The following NFE2L1 variants were observed in gnomAD, a reference collection of about 807,000 sequenced individuals.
The protein encoded by NFE2L1 is NFE2 like bZIP transcription factor 1.
Under a neutral mutation model 61.6 loss-of-function variants are expected in NFE2L1, and 18 were observed. That is an observed-to-expected ratio of 0.29 (90% CI 0.20 to 0.43). The LOEUF (loss-of-function observed/expected upper bound fraction) is 0.43, where lower values mean the gene tolerates loss of function less well. Among genes scored for constraint, NFE2L1 ranks in the 20% least tolerant of loss-of-function variants. NFE2L1 has a pLI of 1.00. For synonymous variants in NFE2L1, 419 were observed against 402.7 expected (o/e 1.04, Z -0.48); for missense variants, 827 against 973.5 (o/e 0.85, Z 2.00).
intron 1 of NFE2L1, among the ~76,000 whole-genome samples, chr17:48,049,360 C>G (rs1386630731): frequency 2.0e-5 from 3 of 152,092 alleles, no homozygotes. Context: ...CCCCACCATC[C>G]CTCTCCTTTT....
rs778055772 is a variant in NFE2L1, at chr17:48,051,602, C to T, written c.484C>T (p.Pro162Ser). The T allele has an allele frequency of 1.9e-6, 3 of 1,613,822 alleles. No homozygotes were observed. The highest frequency in any genetic ancestry group is 1.7e-6 in the Non-Finnish European group (2 of 1,179,832). ...DLEDLGAVAP[P>S]VSGDLTKEDI... ...GGAGGATTTGGGGGCTGTAGCCCCC[C>T]CAGTCAGTGGAGACTTAACCAAAGA... Residue 162 changes from proline to serine, a missense_variant, in exon 2 of 6, where the codon CCA becomes TCA. By Grantham distance (74) the Pro-to-Ser change is moderately conservative. This residue lies in a region of NFE2L1 where 667 missense variants were observed against 748.4 expected (regional missense o/e 0.89). Transcript: ENST00000362042.
At position 48,059,239 on chromosome 17, in the gene NFE2L1, T is replaced by G; in HGVS notation, c.1917T>G (p.Asn639Lys). The change falls in exon 6 of 6, where the codon AAT becomes AAG. Residue 639 changes from asparagine to lysine, a missense_variant. Around this residue, in one of 3 missense-constraint regions of NFE2L1, gnomAD observed 74 missense variants for 127.8 expected, o/e 0.58. Coordinates refer to ENST00000362042, the MANE Select transcript of NFE2L1 (RefSeq NM_003204.3). This position sits in a 1 kb window ranked among gnomAD's most constrained non-coding sequence, Gnocchi z 6.1. ...TCAACCTGCCTGTGGAGGAGTTCAATGAACTGCTGTCCAAATACCAGTTGA... is the reference window on the plus strand; with the variant it reads ...TCAACCTGCCTGTGGAGGAGTTCAAGGAACTGCTGTCCAAATACCAGTTGA... The part of the protein sequence containing the change: ...KIINLPVEEF[N>K]ELLSKYQLSE... 1.2e-6 allele frequency: 2 copies of G among 1,614,140 alleles called. No homozygotes were observed. Among genetic ancestry groups the G allele is most frequent in the Non-Finnish European group, 1.7e-6 (2 of 1,180,034 alleles).
rs2037538361 is a variant in NFE2L1, at chr17:48,061,057, C to T, written c.*1416C>T. Reference sequence around the variant, plus strand: ...AGTGCATATGACAGGCTGAGAGCACCTCCCCAAACACACAAGCTCTCAGCC... The same window carrying T: ...AGTGCATATGACAGGCTGAGAGCACTTCCCCAAACACACAAGCTCTCAGCC... On this transcript the variant is annotated 3_prime_UTR_variant, in exon 6 of 6. Transcript: ENST00000362042. 1 of 152,614 alleles carries T rather than the reference C, an allele frequency of 6.6e-6. No individual in the cohort carries two copies. Among genetic ancestry groups the T allele is most frequent in the Admixed American group, 6.5e-5 (1 of 15,280 alleles). 9.5% of individuals were successfully genotyped at this position (152,614 alleles called of 1,614,324 possible). A position where few individuals can be genotyped will look rare whatever the true frequency, so the allele number is the denominator to read the frequency against.
Position 48,051,537 on chromosome 17 carries a change from T to C in NFE2L1, c.419T>C (p.Val140Ala), listed in dbSNP as rs747186258. ...GATGTGACAGGCCCAGACAACGGGG[T>C]GCGAGAAAGCGAAACGGAGCAGGGA... is the stretch of plus-strand genomic sequence containing the variant. Reference protein sequence around the residue: ...LQDVTGPDNGVRESETEQGFG... With the variant: ...LQDVTGPDNGARESETEQGFG... The change falls in exon 2 of 6, where the codon GTG (valine) becomes GCG (alanine). Residue 140 changes from valine to alanine, a missense_variant. By Grantham distance (64) the Val-to-Ala change is moderately conservative. Transcript: ENST00000362042. The C allele has an allele frequency of 3.7e-6, 6 of 1,613,642 alleles. No homozygotes were observed. The East Asian group carries it at 1.3e-4, about 36-fold the overall frequency.
intron 2 of NFE2L1, chr17:48,054,791 C>T (rs1484832286): frequency 1.5e-6 from 2 of 1,312,022 alleles, no homozygotes; most frequent in Admixed American, 3.9e-5. Context: ...AGCTGGGCGC[C>T]TGAGTGGAAC....
intron 3 of NFE2L1, among the ~76,000 whole-genome samples, 200 bp from the exon 4 acceptor site, chr17:48,056,832 G>A (rs1286760647): frequency 6.6e-6 from 1 of 152,152 alleles, no homozygotes; most frequent in Non-Finnish European, 1.5e-5. Context: ...TGCAAGGGAG[G>A]CAGAGCATGT....
rs2037505342 is a variant in NFE2L1, at chr17:48,059,890, G to A, written c.*249G>A. 1 of 494,680 alleles carries A rather than the reference G, an allele frequency of 2.0e-6. No individual in the cohort carries two copies. The highest frequency in any genetic ancestry group is 3.5e-6 in the Non-Finnish European group (1 of 288,228). The allele number at this position is 494,680 out of a possible 1,614,324, so 30.6% of individuals were successfully genotyped here. A position where few individuals can be genotyped will look rare whatever the true frequency, so the allele number is the denominator to read the frequency against. ...TCCTCACCCTACCCCTTTCCTGTGA[G>A]GCAGGGGTGGTGGTGGAGTTGCTGG... On this transcript the variant is annotated 3_prime_UTR_variant, in exon 6 of 6. Transcript: ENST00000362042. The surrounding 1 kb of genome is among the most constrained non-coding windows in gnomAD (Gnocchi z 6.1).
At chr17:48,056,100 T>G (rs575118868) in intron 2 of NFE2L1, 1 of 378,802 alleles carries the variant, frequency 2.6e-6, no homozygotes, top group Non-Finnish European at 4.8e-6. Flanking sequence ...GCCTTTTGTC[T>G]GGGTGTGTCT....
At position 48,051,566 on chromosome 17, in the gene NFE2L1, G is replaced by A. The variant is rs150656110; in HGVS notation, c.448G>A (p.Gly150Ser). Residue 150 changes from glycine to serine, a missense_variant, in exon 2 of 6, where the codon GGT becomes AGT. Physicochemically the swap from Gly to Ser is moderately conservative, Grantham distance 56. Around this residue, in one of 3 missense-constraint regions of NFE2L1, gnomAD observed 667 missense variants for 748.4 expected, o/e 0.89. Transcript: ENST00000362042. ...AGAAAGCGAAACGGAGCAGGGATTCGGTGAAGATTTGGAGGATTTGGGGGC... is the reference window on the plus strand; with the variant it reads ...AGAAAGCGAAACGGAGCAGGGATTCAGTGAAGATTTGGAGGATTTGGGGGC... ...VRESETEQGFGEDLEDLGAVA... is the reference protein window; with the variant it reads ...VRESETEQGFSEDLEDLGAVA... 5.0e-6 allele frequency: 8 copies of A among 1,614,098 alleles called. No individual in the cohort carries two copies. Among genetic ancestry groups the A allele is most frequent in the Admixed American group, 1.7e-5 (1 of 60,012 alleles).
At chr17:48,056,906 TC>T in intron 3 of NFE2L1, 125 bp from the exon 4 acceptor site, 1 of 947,798 alleles carries the variant, frequency 1.1e-6, no homozygotes, top group South Asian at 1.6e-5. Flanking sequence ...AGTTTGGGAC[TC>T]GGGGCCAGCC....
At chr17:48,057,177 G>A in intron 4 of NFE2L1, 56 bp downstream of exon 4, 1 of 1,602,780 alleles carries the variant, frequency 6.2e-7, no homozygotes, top group Non-Finnish European at 8.5e-7. Context: ...TGTACCTGGT[G>A]TGTCCCTCCA....
chr17:48,054,560 A>T, intron 2 of NFE2L1: 2 of 995,000 alleles, frequency 2.0e-6, no homozygotes, highest in Non-Finnish European at 2.4e-6. Flanking sequence ...GACCTGGGGG[A>T]GGGGATTGGC....
intron 2 of NFE2L1, among the ~76,000 whole-genome samples, chr17:48,053,720 C>G (rs556619037): frequency 1.3e-5 from 2 of 152,164 alleles, no homozygotes; most frequent in Non-Finnish European, 2.9e-5. Flanking sequence ...AATTTCCCCT[C>G]GAGAAACCAA....
At position 48,058,481 on chromosome 17, in the gene NFE2L1, G is replaced by A. The variant is rs765657555; in HGVS notation, c.1159G>A (p.Val387Met). ...CAGCCCCGAGGTGGAAAGCCTGCCT[G>A]TGGCCAGTAGCTCCACGCTGCTCCC... is the stretch of plus-strand genomic sequence containing the variant. ...LFSPEVESLP[V>M]ASSSTLLPLA... The change falls in exon 6 of 6, where the codon GTG becomes ATG. Residue 387 changes from valine to methionine, a missense_variant. Coordinates refer to ENST00000362042, the MANE Select transcript of NFE2L1 (RefSeq NM_003204.3). 6.2e-7 allele frequency: 1 copy of A among 1,613,706 alleles called. No homozygotes were observed. Among genetic ancestry groups the A allele is most frequent in the East Asian group, 2.2e-5 (1 of 44,878 alleles).
chr17:48,050,626 T>C lies in NFE2L1; in HGVS notation c.-493T>C. 2.4e-6 allele frequency: 1 copy of C among 411,980 alleles called. No individual in the cohort carries two copies. The highest frequency in any genetic ancestry group is 4.3e-6 in the Non-Finnish European group (1 of 232,728). The allele number at this position is 411,980 out of a possible 1,614,324, so 25.5% of individuals were successfully genotyped here. On this transcript the variant is annotated 5_prime_UTR_variant, in exon 2 of 6. Coordinates refer to ENST00000362042, the MANE Select transcript of NFE2L1 (RefSeq NM_003204.3). ...TTTCAGGTTTCTCTGGAAACCCCCC[T>C]GGTAAGTGTGGAGGAGGCGGGACAC...
At position 48,058,689 on chromosome 17, in the gene NFE2L1, C is replaced by A; in HGVS notation, c.1367C>A (p.Ala456Asp). ...GATGAGATCAGCCTTATGGACCTGGCCATTGAAGAAGGCTTTAACCCTGTG... is the reference window on the plus strand; with the variant it reads ...GATGAGATCAGCCTTATGGACCTGGACATTGAAGAAGGCTTTAACCCTGTG... ...MLDEISLMDL[A>D]IEEGFNPVQA... The change falls in exon 6 of 6, where the codon GCC (alanine) becomes GAC (aspartate). Residue 456 changes from alanine (A) to aspartate (D), a missense_variant. Coordinates refer to ENST00000362042, the MANE Select transcript of NFE2L1 (RefSeq NM_003204.3). The A allele has an allele frequency of 6.2e-7, 1 of 1,614,168 alleles. No individual in the cohort carries two copies. Among genetic ancestry groups the A allele is most frequent in the Non-Finnish European group, 8.5e-7 (1 of 1,180,018 alleles).
chr17:48,060,979 T>A lies in NFE2L1; in HGVS notation c.*1338T>A, dbSNP rs1452025948. The A allele has an allele frequency of 3.3e-5, 5 of 152,654 alleles. No homozygotes were observed. Among genetic ancestry groups the A allele is most frequent in the African/African-American group, 1.2e-4 (5 of 41,442 alleles). 9.5% of individuals were successfully genotyped at this position (152,654 alleles called of 1,614,324 possible). ...GAACACTTGGGATTTTTCTCCTCTG[T>A]CCCGAGGTCGTCGTCTGCTTTCTTT... On this transcript the variant is annotated 3_prime_UTR_variant, in exon 6 of 6. Coordinates refer to ENST00000362042, the MANE Select transcript of NFE2L1 (RefSeq NM_003204.3).
In NFE2L1 at chr17:48,057,395, C is replaced by A. The variant is rs1256242909; in HGVS notation, c.865C>A (p.Pro289Thr). The change falls in exon 5 of 6, where the codon CCC (proline) becomes ACC (threonine). Residue 289 changes from proline (P) to threonine (T), a missense_variant. Pro to Thr is a conservative substitution (Grantham distance 38, BLOSUM62 -1). Coordinates refer to ENST00000362042, the MANE Select transcript of NFE2L1 (RefSeq NM_003204.3). ...ITEAVPSESE[P>T]PALQNNLLSP... is the part of the protein sequence containing the mutation. Reference sequence around the variant, plus strand: ...AGAAGCAGTGCCTAGTGAGAGTGAGCCCCCTGCTCTTCAAAACAACCTCTT... The same window carrying A: ...AGAAGCAGTGCCTAGTGAGAGTGAGACCCCTGCTCTTCAAAACAACCTCTT... 1.2e-6 allele frequency: 2 copies of A among 1,614,042 alleles called. No homozygotes were observed. Among genetic ancestry groups the A allele is most frequent in the East Asian group, 2.2e-5 (1 of 44,894 alleles).
rs1019254951 is a variant in NFE2L1, at chr17:48,056,070, T to C, written c.511-316T>C. 3 of 314,186 alleles carry C rather than the reference T, an allele frequency of 9.5e-6. No homozygotes were observed. In the Admixed American group the frequency reaches 1.4e-4, roughly 14 times the overall value. The allele number at this position is 314,186 out of a possible 1,614,324, so 19.5% of individuals were successfully genotyped here. On this transcript the variant is annotated intron_variant, in intron 2 of 5. Transcript: ENST00000362042. Reference sequence around the variant, plus strand: ...CTCCTGATGTTCCCCTTCTTTCTTATGTAGGGGGGAGGCGGCCCTGCCTTT... The same window carrying C: ...CTCCTGATGTTCCCCTTCTTTCTTACGTAGGGGGGAGGCGGCCCTGCCTTT...
Sources: gnomAD v4.1 joint callset for allele counts (sites outside exome capture counted in the v4.1 genomes callset) on GRCh38, gnomAD v4.1.1 for gene constraint, gnomAD v4.1.1 regional missense constraint, Gnocchi (gnomAD v3.1) non-coding constraint, MANE v1.5 for transcripts, NCBI Gene and HGNC (gene_info 2026-07-23, HGNC 2026-07-21) for gene names.